HNF4A: variants seen among roughly 807,000 people sequenced by gnomAD.
HNF4A encodes hepatocyte nuclear factor 4-alpha.
In HNF4A, 15 loss-of-function variants were observed where a neutral mutation model predicts 52.4. The observed-to-expected ratio is 0.29, with a 90% CI of 0.19 to 0.44. HNF4A has a LOEUF of 0.44. Among genes scored for constraint, HNF4A ranks in the 20% least tolerant of loss-of-function variants. The probability of loss-of-function intolerance (pLI) is 1.00; values close to 1 mark genes in which losing one functional copy is unlikely to be tolerated. For missense variants in HNF4A, 479 were observed against 647.2 expected (o/e 0.74, Z 2.82); for synonymous variants, 280 against 264.4 (o/e 1.06, Z -0.57).
chr20:44,406,334 C>T (rs2063500366), intron 2 of HNF4A, 102 bp downstream of exon 2: 1 of 961,726 alleles, frequency 1.0e-6, no homozygotes, highest in Admixed American at 2.0e-5. Context: ...AGACAGCTGC[C>T]CTTCAGGGCC....
chr20:44,424,232 G>A lies in HNF4A; in HGVS notation c.1107G>A (p.Leu369=), dbSNP rs904621587. 13 of 1,614,102 alleles carry A rather than the reference G, an allele frequency of 8.1e-6. No homozygotes were observed. The Middle Eastern group carries it at 8.2e-4, about 102-fold the overall frequency. The change falls in exon 8 of 10, where the codon CTG becomes CTA. Residue 369 remains leucine (L), a synonymous_variant. Transcript: ENST00000316099. ...TCGGCATGGCCAAGATTGACAACCT[G>A]TTGCAGGAGATGCTGCTGGGAGGTC...
chr20:44,360,347 G>C (rs1314564633), intron 1 of HNF4A, among the ~76,000 whole-genome samples: 4 of 152,128 alleles, frequency 2.6e-5, no homozygotes, highest in African/African-American at 7.2e-5. Context: ...TGAGTAACTG[G>C]GGAGATGGCT....
At chr20:44,419,445 G>C (rs1349598925) in intron 6 of HNF4A, among the ~76,000 whole-genome samples, 1 of 152,172 alleles carries the variant, frequency 6.6e-6, no homozygotes, top group Non-Finnish European at 1.5e-5. Context: ...GGTGACCTTT[G>C]AATGTCATCG....
chr20:44,413,596 C>A (rs2063616839), intron 3 of HNF4A, 98 bp from the exon 4 acceptor site: 3 of 809,518 alleles, frequency 3.7e-6, no homozygotes, highest in Non-Finnish European at 6.3e-6. Context: ...TCTCTGGACA[C>A]CCCCCACCTC....
intron 1 of HNF4A, among the ~76,000 whole-genome samples, chr20:44,402,077 C>T (rs1665585230): frequency 6.6e-6 from 1 of 151,870 alleles, no homozygotes; most frequent in Non-Finnish European, 1.5e-5. Flanking sequence ...AGTGAGTTTC[C>T]ATGTAGGTTG....
At chr20:44,411,886 T>C (rs1287775165) in intron 3 of HNF4A, among the ~76,000 whole-genome samples, 2 of 147,764 alleles carry the variant, frequency 1.4e-5, no homozygotes, top group Non-Finnish European at 3.0e-5. Flanking sequence ...TGAGACCCCG[T>C]CTCTCAAAAA....
intron 1 of HNF4A, among the ~76,000 whole-genome samples, chr20:44,402,147 G>A (rs971122386): frequency 2.6e-5 from 4 of 152,136 alleles, no homozygotes; most frequent in African/African-American, 9.7e-5. Context: ...TTGTCTCTGT[G>A]TGTGAGTTCT....
chr20:44,404,998 T>A (rs534436712), intron 1 of HNF4A, among the ~76,000 whole-genome samples: 1 of 8,830 alleles, frequency 1.1e-4, no homozygotes, highest in East Asian at 4.1e-3. Context: ...TGTGTGCTTG[T>A]GTGTGGTGTG....
At chr20:44,414,723 CTGG>C in intron 5 of HNF4A, 61 bp downstream of exon 5, 2 of 1,494,868 alleles carry the variant, frequency 1.3e-6, no homozygotes, top group Non-Finnish European at 1.8e-6. Context: ...CAGGGGGCTG[CTGG>C]CCCACCTGGG....
chr20:44,415,834 T>A (rs1035507190), intron 5 of HNF4A, among the ~76,000 whole-genome samples: 1 of 152,122 alleles, frequency 6.6e-6, no homozygotes, highest in Non-Finnish European at 1.5e-5. Flanking sequence ...CCCTCTTCCA[T>A]GGTTCCTCCT....
upstream of HNF4A, among the ~76,000 whole-genome samples, chr20:44,398,418 A>T (rs1033795911): frequency 1.3e-5 from 2 of 152,250 alleles, no homozygotes; most frequent in Admixed American, 6.5e-5. Flanking sequence ...ACTATGTAGT[A>T]ACAATGAACA....
chr20:44,396,415 G>A (rs1038064490), upstream of HNF4A, among the ~76,000 whole-genome samples: 1 of 152,044 alleles, frequency 6.6e-6, no homozygotes, highest in African/African-American at 2.4e-5. Flanking sequence ...AGAGGCACAA[G>A]CTCCCTACAC....
chr20:44,430,826 A>T lies in HNF4A; in HGVS notation c.*1161A>T, dbSNP rs2063869718. The T allele has an allele frequency of 2.0e-5, 3 of 152,322 alleles. No homozygotes were observed. The highest frequency in any genetic ancestry group is 1.3e-4 in the Admixed American group (2 of 15,260). The allele number at this position is 152,322 out of a possible 1,614,324, so 9.4% of individuals were successfully genotyped here. A position where few individuals can be genotyped will look rare whatever the true frequency, so the allele number is the denominator to read the frequency against. On this transcript the variant is annotated 3_prime_UTR_variant, in exon 10 of 10. Transcript: ENST00000316099. ...TGAGAGTAATGAGGCTTGGGGCTGGAGAGGACAAGATGGGTAAACCCTCAC... is the reference window on the plus strand; with the variant it reads ...TGAGAGTAATGAGGCTTGGGGCTGGTGAGGACAAGATGGGTAAACCCTCAC...
intron 1 of HNF4A, among the ~76,000 whole-genome samples, chr20:44,364,040 A>T (rs571645876): frequency 6.6e-6 from 1 of 152,072 alleles, no homozygotes; most frequent in Non-Finnish European, 1.5e-5. Flanking sequence ...TGGCTCAGCC[A>T]TTGTCACACA....
chr20:44,428,337 TC>T lies in HNF4A; in HGVS notation c.1137del (p.Ser380AlafsTer14). 6.2e-7 allele frequency: 1 copy of T among 1,613,768 alleles called. No homozygotes were observed. On this transcript the variant is annotated frameshift_variant, in exon 9 of 10. Transcript: ENST00000316099. LOFTEE classifies it high-confidence loss of function. ...TGATCGACCTTCTCTACCTGCAGGG[TC>T]CCCCAGCGATGCACCCCATGCCCAC...
chr20:44,390,697 C>A (rs913750683), intron 1 of HNF4A: 1 of 700,778 alleles, frequency 1.4e-6, no homozygotes, highest in Non-Finnish European at 2.6e-6. Flanking sequence ...CCTGACTCCA[C>A]ATCTGCCTGG....
intron 1 of HNF4A, among the ~76,000 whole-genome samples, chr20:44,390,245 G>T (rs553564907): frequency 6.6e-6 from 1 of 152,248 alleles, no homozygotes; most frequent in East Asian, 1.9e-4. Flanking sequence ...AGGTGATAGG[G>T]CTCTCCCTGT....
At chr20:44,381,279 C>CCTT (rs1322191179) in intron 1 of HNF4A, among the ~76,000 whole-genome samples, 109 of 110,116 alleles carry the variant, frequency 9.9e-4, no homozygotes, top group African/African-American at 3.6e-3. Context: ...TCAGTGAGAG[C>CCTT]TTTTTTTTTT....
intron 3 of HNF4A, among the ~76,000 whole-genome samples, chr20:44,412,057 G>A (rs1209358362): frequency 2.8e-5 from 4 of 145,014 alleles, no homozygotes; most frequent in Admixed American, 6.9e-5. Flanking sequence ...ACCCCATCTC[G>A]AAAAAAAAAA....
Sources: gnomAD v4.1 joint callset for allele counts (sites outside exome capture counted in the v4.1 genomes callset) on GRCh38, gnomAD v4.1.1 for gene constraint, MANE v1.5 for transcripts, NCBI Gene and HGNC (gene_info 2026-07-23, HGNC 2026-07-21) for gene names.